Variants in CNBD1 observed in about 807,000 individuals in gnomAD.
CNBD1 encodes cyclic nucleotide binding domain containing 1, also known as cyclic nucleotide-binding domain-containing protein 1.
A neutral mutation model predicts 54.4 loss-of-function variants in CNBD1; 71 were observed. That is an observed-to-expected ratio of 1.30 (90% CI 1.08 to 1.59). The LOEUF is 1.59. CNBD1 is among the 40% of genes most tolerant of loss of function. The probability of loss-of-function intolerance (pLI) is 0.00; values close to 1 mark genes in which losing one functional copy is unlikely to be tolerated. For synonymous variants in CNBD1, 182 were observed against 170.7 expected (o/e 1.07, Z -0.51); for missense variants, 659 against 518.0 (o/e 1.27, Z -2.64).
intron 6 of CNBD1, among the ~76,000 whole-genome samples, chr8:87,270,416 C>T (rs1173789471): frequency 6.6e-6 from 1 of 151,860 alleles, no homozygotes; most frequent in African/African-American, 2.4e-5. Flanking sequence ...CAATGAGATA[C>T]CATCTCACGC....
intron 6 of CNBD1, among the ~76,000 whole-genome samples, chr8:87,279,984 A>G (rs965427594): frequency 1.3e-5 from 2 of 151,416 alleles, no homozygotes; most frequent in African/African-American, 2.4e-5. Flanking sequence ...TTTTTTTTCT[A>G]TAATTGAAAA....
At chr8:87,094,558 A>G (rs548758976) in intron 4 of CNBD1, among the ~76,000 whole-genome samples, 26 of 152,092 alleles carry the variant, frequency 1.7e-4, no homozygotes, top group South Asian at 1.2e-3. Context: ...CATATTGACA[A>G]TGCTAATTTA....
intron 8 of CNBD1, among the ~76,000 whole-genome samples, chr8:87,349,973 A>T (rs16898942): frequency 0.024 from 3,676 of 152,284 alleles, 152 homozygotes; most frequent in African/African-American, 0.081. Flanking sequence ...ACTTCCAAGA[A>T]TTATAGTAGT....
At chr8:87,391,113 G>A (rs934477250) in intron 2 of CNBD1, among the ~76,000 whole-genome samples, 1 of 151,774 alleles carries the variant, frequency 6.6e-6, no homozygotes, top group Non-Finnish European at 1.5e-5. Flanking sequence ...AGGGGGGAGG[G>A]ATAGCATTAG....
intron 4 of CNBD1, among the ~76,000 whole-genome samples, chr8:87,183,350 TTTTG>T (rs553498825): frequency 0.015 from 2,234 of 150,366 alleles, 10 homozygotes; most frequent in Non-Finnish European, 0.016. Flanking sequence ...CTTTGTTTTC[TTTTG>T]TTTGTTTGTT....
chr8:87,018,758 A>C (rs2130572792), intron 4 of CNBD1, among the ~76,000 whole-genome samples: 1 of 152,310 alleles, frequency 6.6e-6, no homozygotes, highest in South Asian at 2.1e-4. Context: ...AAACTATACA[A>C]GCCGCCTCCC....
intron 3 of CNBD1, among the ~76,000 whole-genome samples, chr8:86,929,471 A>T (rs534280638): frequency 6.6e-6 from 1 of 151,970 alleles, no homozygotes; most frequent in Non-Finnish European, 1.5e-5. Context: ...TTCATATCCC[A>T]CTCTCCACAA....
chr8:87,392,248 TTC>T (rs1464411538), intron 2 of CNBD1, among the ~76,000 whole-genome samples: 1 of 152,044 alleles, frequency 6.6e-6, no homozygotes, highest in Non-Finnish European at 1.5e-5. Flanking sequence ...ACATGGCAGT[TTC>T]TCCACAAGTT....
intron 4 of CNBD1, among the ~76,000 whole-genome samples, chr8:87,007,058 G>A (rs576996976): frequency 1.4e-4 from 22 of 152,194 alleles, no homozygotes; most frequent in South Asian, 4.1e-4. Flanking sequence ...TTAGCCAGGC[G>A]TGGTGGTGGG....
At chr8:87,363,418 G>A (rs951457914) in intron 10 of CNBD1, among the ~76,000 whole-genome samples, 3 of 152,062 alleles carry the variant, frequency 2.0e-5, no homozygotes, top group African/African-American at 7.2e-5. Flanking sequence ...TTGAGGAATT[G>A]TCACACTGTC....
rs1413548924 is a variant in CNBD1 at position 87,284,812 on chromosome 8, G to A, written c.906G>A (p.Lys302=). The A allele has an allele frequency of 1.9e-6, 3 of 1,570,770 alleles. No homozygotes were observed. Among genetic ancestry groups the A allele is most frequent in the Non-Finnish European group, 2.6e-6 (3 of 1,158,248 alleles). Residue 302 remains lysine (K), a synonymous_variant, in exon 7 of 11, where the codon AAG becomes AAA. Transcript: ENST00000518476. The part of the protein sequence containing the change: ...KIPAKGYAKI[K]EEKIKLENMQ... ...CAGCAAAGGGATATGCAAAGATAAA[G>A]GAGGTAAGATGATATCTAATATTTT...
At chr8:87,068,761 C>A (rs948026080) in intron 4 of CNBD1, among the ~76,000 whole-genome samples, 12 of 151,908 alleles carry the variant, frequency 7.9e-5, no homozygotes, top group African/African-American at 2.9e-4. Context: ...TTTCTCTTTC[C>A]TTTCTCAACC....
chr8:87,169,129 G>C (rs968149559), intron 4 of CNBD1, among the ~76,000 whole-genome samples: 2 of 152,042 alleles, frequency 1.3e-5, no homozygotes, highest in African/African-American at 4.8e-5. Context: ...TAACTGGGGT[G>C]AGGTGATATG....
chr8:87,036,314 G>A (rs1809942921), intron 4 of CNBD1, among the ~76,000 whole-genome samples: 1 of 152,012 alleles, frequency 6.6e-6, no homozygotes, highest in Non-Finnish European at 1.5e-5. Flanking sequence ...ATTGGTCACG[G>A]CCAGGCACGG....
chr8:87,047,542 T>G (rs2130619080), intron 4 of CNBD1, among the ~76,000 whole-genome samples: 1 of 152,354 alleles, frequency 6.6e-6, no homozygotes, highest in Middle Eastern at 3.4e-3. Flanking sequence ...GAAACAAATT[T>G]GCCTCTTATC....
chr8:87,324,676 TA>T (rs1809629546), intron 8 of CNBD1, among the ~76,000 whole-genome samples: 1 of 151,914 alleles, frequency 6.6e-6, no homozygotes, highest in Non-Finnish European at 1.5e-5. Context: ...TTATTGTGTC[TA>T]TTTGATTCTT....
At chr8:87,217,295 A>G (rs954574420) in intron 5 of CNBD1, among the ~76,000 whole-genome samples, 3 of 152,116 alleles carry the variant, frequency 2.0e-5, no homozygotes, top group Admixed American at 2.0e-4. Context: ...TTGGCTAAAA[A>G]TCTTGTGTTT....
intron 4 of CNBD1, among the ~76,000 whole-genome samples, chr8:87,150,141 C>CA (rs1203092552): frequency 6.6e-6 from 1 of 152,050 alleles, no homozygotes; most frequent in Non-Finnish European, 1.5e-5. Flanking sequence ...GGCACCACTG[C>CA]ACGCCAGCCT....
At chr8:87,243,685 C>A (rs775464036) in intron 6 of CNBD1, among the ~76,000 whole-genome samples, 2 of 151,890 alleles carry the variant, frequency 1.3e-5, no homozygotes, top group Admixed American at 1.3e-4. Context: ...ACAAAATGAA[C>A]GGCAACTAGA....
Sources: gnomAD v4.1 joint callset for allele counts (sites outside exome capture counted in the v4.1 genomes callset) on GRCh38, gnomAD v4.1.1 for gene constraint, MANE v1.5 for transcripts, NCBI Gene and HGNC (gene_info 2026-07-23, HGNC 2026-07-21) for gene names.